Variants in PRXL2A observed in about 807,000 individuals in gnomAD.
PRXL2A encodes the protein peroxiredoxin like 2A, also known as peroxiredoxin-like 2A.
Under a neutral mutation model 25.6 loss-of-function variants are expected in PRXL2A, and 26 were observed. The observed-to-expected ratio is 1.02, with a 90% CI of 0.74 to 1.41. PRXL2A has a LOEUF of 1.41. PRXL2A is among the 40% of genes most tolerant of loss of function. The probability of loss-of-function intolerance (pLI) is 0.00; values close to 1 mark genes in which losing one functional copy is unlikely to be tolerated. For synonymous variants in PRXL2A, 98 were observed against 102.9 expected (o/e 0.95, Z 0.29); for missense variants, 246 against 273.9 (o/e 0.90, Z 0.72).
In PRXL2A at chr10:80,432,136, C is replaced by T. The variant is rs1845284905; in HGVS notation, c.*37C>T. On this transcript the variant is annotated 3_prime_UTR_variant, in exon 6 of 6. Coordinates refer to ENST00000606162, the MANE Select transcript of PRXL2A (RefSeq NM_032333.5). ...TGCCCAGCTCAGGGATAACCAGGGA[C>T]ATTCACCTGTGTTCATGGGATGTAT... 1 of 1,268,744 alleles carries T rather than the reference C, an allele frequency of 7.9e-7. No homozygotes were observed. Among genetic ancestry groups the T allele is most frequent in the African/African-American group, 1.5e-5 (1 of 66,856 alleles). The allele number at this position is 1,268,744 out of a possible 1,614,324, so 78.6% of individuals were successfully genotyped here. A position where few individuals can be genotyped will look rare whatever the true frequency, so the allele number is the denominator to read the frequency against.
chr10:80,431,864 T>A, intron 5 of PRXL2A, 122 bp from the exon 6 acceptor site: 1 of 716,332 alleles, frequency 1.4e-6, no homozygotes, highest in Non-Finnish European at 2.4e-6. Context: ...AGCCAGGCCA[T>A]ATTTGGATCT....
Position 80,425,982 on chromosome 10 carries a change from A to G in PRXL2A, c.387A>G (p.Lys129=). 1 of 1,614,230 alleles carries G rather than the reference A, an allele frequency of 6.2e-7. No homozygotes were observed. The highest frequency in any genetic ancestry group is 8.5e-7 in the Non-Finnish European group (1 of 1,180,034). Residue 129 remains lysine (K), a synonymous_variant, in exon 4 of 6, where the codon AAA becomes AAG. Coordinates refer to ENST00000606162, the MANE Select transcript of PRXL2A (RefSeq NM_032333.5). The part of the protein sequence containing the change: ...TEVKDFQPYF[K]GEIFLDEKKK... ...TGAAGGATTTCCAGCCTTATTTCAA[A>G]GGAGAAATCTTCCTGGATGAAAAGG...
chr10:80,423,894 G>A (rs1844945962), intron 3 of PRXL2A, among the ~76,000 whole-genome samples: 1 of 152,196 alleles, frequency 6.6e-6, no homozygotes, highest in Non-Finnish European at 1.5e-5. Flanking sequence ...GACTATAGGG[G>A]AGAATCCATT....
Position 80,432,499 on chromosome 10 carries a change from G to A in PRXL2A, c.*400G>A, listed in dbSNP as rs1845298627. ...CTACTAAAAATACAAAAATCACCCG[G>A]GTGTGGTGGCAGGCACCTGTAGTCC... On this transcript the variant is annotated 3_prime_UTR_variant, in exon 6 of 6. Transcript: ENST00000606162. 6.3e-6 allele frequency: 1 copy of A among 158,472 alleles called. No homozygotes were observed. The highest frequency in any genetic ancestry group is 2.4e-5 in the African/African-American group (1 of 41,384). 9.8% of individuals were successfully genotyped at this position (158,472 alleles called of 1,614,324 possible). A position where few individuals can be genotyped will look rare whatever the true frequency, so the allele number is the denominator to read the frequency against.
chr10:80,430,950 C>T (rs919155906), intron 5 of PRXL2A, among the ~76,000 whole-genome samples: 8 of 152,064 alleles, frequency 5.3e-5, no homozygotes, highest in East Asian at 1.9e-4. Context: ...AGTGCAGTGG[C>T]GCGATCTCGG....
At chr10:80,411,602 C>A (rs542470640) in intron 1 of PRXL2A, among the ~76,000 whole-genome samples, 90 of 152,338 alleles carry the variant, frequency 5.9e-4, no homozygotes, top group Admixed American at 7.8e-4. Flanking sequence ...CCCATGTGAC[C>A]TTGGACTAGC....
intron 1 of PRXL2A, chr10:80,413,800 C>T (rs770880766): frequency 1.6e-5 from 17 of 1,064,214 alleles, no homozygotes; most frequent in South Asian, 5.1e-5. Context: ...CTCCCCTTGC[C>T]GCCTGCCCAG....
At chr10:80,427,191 G>T (rs1226513576) in intron 4 of PRXL2A, 141 bp from the exon 5 acceptor site, 5 of 629,184 alleles carry the variant, frequency 7.9e-6, no homozygotes, top group Non-Finnish European at 1.4e-5. Context: ...CAGTGTGTGT[G>T]TGTTGGGTGG....
chr10:80,416,656 G>A (rs1844670632), intron 1 of PRXL2A, among the ~76,000 whole-genome samples: 1 of 152,224 alleles, frequency 6.6e-6, no homozygotes, highest in Non-Finnish European at 1.5e-5. Context: ...GGGGGGCCCA[G>A]CTCTCCAAGC....
intron 5 of PRXL2A, among the ~76,000 whole-genome samples, chr10:80,431,504 G>A (rs1845259882): frequency 6.6e-6 from 1 of 151,976 alleles, no homozygotes; most frequent in Non-Finnish European, 1.5e-5. Context: ...TTCACTGTAT[G>A]AGAAGAAAGT....
chr10:80,414,104 T>C (rs78429616), intron 1 of PRXL2A, among the ~76,000 whole-genome samples: 12,134 of 151,948 alleles, frequency 0.08, 630 homozygotes, highest in African/African-American at 0.13. Flanking sequence ...CCTCATGGAG[T>C]TGAGAAAAAT....
chr10:80,419,859 C>T, intron 1 of PRXL2A: 1 of 401,092 alleles, frequency 2.5e-6, no homozygotes, highest in Non-Finnish European at 3.4e-6. Flanking sequence ...GGAGAAATTA[C>T]TGCCTGCCTA....
intron 5 of PRXL2A, among the ~76,000 whole-genome samples, chr10:80,431,393 A>G (rs1845254581): frequency 1.3e-5 from 2 of 152,044 alleles, no homozygotes. Context: ...AACTCTAACA[A>G]GGATTCCTTG....
intron 1 of PRXL2A, among the ~76,000 whole-genome samples, chr10:80,418,038 T>A (rs1211949187): frequency 2.0e-5 from 3 of 151,930 alleles, no homozygotes; most frequent in Admixed American, 6.6e-5. Context: ...TTTTTTTTTT[T>A]TAATTATTTT....
rs1041393852 is a variant in PRXL2A, at chr10:80,435,044, T to G, written c.*2945T>G. 1 of 152,214 alleles carries G rather than the reference T, an allele frequency of 6.6e-6. No homozygotes were observed. The highest frequency in any genetic ancestry group is 1.5e-5 in the Non-Finnish European group (1 of 68,082). The allele number at this position is 152,214 out of a possible 1,614,324, so 9.4% of individuals were successfully genotyped here. A position where few individuals can be genotyped will look rare whatever the true frequency, so the allele number is the denominator to read the frequency against. On this transcript the variant is annotated 3_prime_UTR_variant, in exon 6 of 6. Coordinates refer to ENST00000606162, the MANE Select transcript of PRXL2A (RefSeq NM_032333.5). ...GCCTGGCCAACATGGTGAAACCCTG[T>G]CTCTACTAAAAATACAAAAGTTAGC...
intron 5 of PRXL2A, among the ~76,000 whole-genome samples, chr10:80,429,137 T>C (rs1845147463): frequency 8.9e-6 from 1 of 111,926 alleles, no homozygotes; most frequent in South Asian, 3.2e-4. Context: ...CCCAAAGTGC[T>C]GGGATTACAA....
intron 1 of PRXL2A, chr10:80,420,068 AG>A: frequency 1.0e-6 from 1 of 986,664 alleles, no homozygotes; most frequent in South Asian, 4.7e-5. Context: ...CTGGATTGTG[AG>A]GGAGAATCAG....
At position 80,432,200 on chromosome 10, in the gene PRXL2A, T is replaced by A; in HGVS notation, c.*101T>A. ...GTCCCTAAGGAGTGAGAAACCCATT[T>A]ATACTCTACTCTCAGTATGGATTAT... On this transcript the variant is annotated 3_prime_UTR_variant, in exon 6 of 6. Transcript: ENST00000606162. The A allele has an allele frequency of 1.5e-6, 1 of 685,650 alleles. No individual in the cohort carries two copies. The allele number at this position is 685,650 out of a possible 1,614,324, so 42.5% of individuals were successfully genotyped here. A position where few individuals can be genotyped will look rare whatever the true frequency, so the allele number is the denominator to read the frequency against.
rs574782094 is a variant in PRXL2A at position 80,417,041 on chromosome 10, G to A, written c.-2-3425G>A. Among the ~76,000 whole-genome samples the A allele has an allele frequency of 3.7e-3, 548 of 148,898 alleles. 7 individuals are homozygous for A. The Middle Eastern group carries it at 0.069, about 19-fold the overall frequency. On this transcript the variant is annotated intron_variant, in intron 1 of 5. Transcript: ENST00000606162. ...GACGGCTAACGCTCAAAATTCTCTC[G>A]GCCCCGAGGAAAGGGCTTGATTAAC...
Sources: gnomAD v4.1 joint callset for allele counts (sites outside exome capture counted in the v4.1 genomes callset) on GRCh38, gnomAD v4.1.1 for gene constraint, MANE v1.5 for transcripts, NCBI Gene and HGNC (gene_info 2026-07-23, HGNC 2026-07-21) for gene names.